Variants in RTEL1 observed in about 807,000 individuals in gnomAD.
The protein encoded by RTEL1 is regulator of telomere length.
RTEL1 carries 86 observed loss-of-function variants against 162.2 expected under a neutral mutation model. The observed-to-expected ratio is 0.53, with a 90% CI of 0.45 to 0.63. RTEL1 has a LOEUF of 0.63. RTEL1 is among the 30% of genes least tolerant of loss of function. The pLI, the probability that RTEL1 is intolerant of heterozygous loss-of-function variation, is 0.00. For synonymous variants in RTEL1, 958 were observed against 717.9 expected (o/e 1.33, Z -5.35); for missense variants, 1,941 against 1,750.2 (o/e 1.11, Z -1.95).
At chr20:63,692,739 C>T (rs1040081167) in intron 28 of RTEL1, 66 bp from the exon 29 acceptor site, 1 of 1,477,394 alleles carries the variant, frequency 6.8e-7, no homozygotes, top group Non-Finnish European at 9.3e-7. Flanking sequence ...CCAAGGAAGG[C>T]TCTGCAGCCC....
At chr20:63,658,794 C>T (rs2089961725) in intron 1 of RTEL1, 1 of 157,474 alleles carries the variant, frequency 6.4e-6, no homozygotes, top group South Asian at 1.8e-4. Context: ...GGCATCCCGG[C>T]ATGCTCTTTC....
chr20:63,674,017 G>A lies in RTEL1; in HGVS notation c.843G>A (p.Gln281=). 1 of 1,614,132 alleles carries A rather than the reference G, an allele frequency of 6.2e-7. No individual in the cohort carries two copies. Among genetic ancestry groups the A allele is most frequent in the Non-Finnish European group, 8.5e-7 (1 of 1,180,030 alleles). The change falls in exon 10 of 35, where the codon CAG becomes CAA. Residue 281 remains glutamine, a synonymous_variant. Coordinates refer to ENST00000360203, the MANE Select transcript of RTEL1 (RefSeq NM_001283009.2). ...CTTCAGGACTGGACGTCATAGACCA[G>A]GTGCTGGAGGAGCAGACCAAGGCAG... ...DLASGLDVID[Q]VLEEQTKAAQ...
chr20:63,666,216 A>G (rs918726637), intron 7 of RTEL1, 137 bp downstream of exon 7: 2 of 732,146 alleles, frequency 2.7e-6, no homozygotes, highest in Admixed American at 2.8e-5. Flanking sequence ...TTCAGTACGA[A>G]AAAGTTTAAG....
chr20:63,693,458 CA>C (rs1161077995), intron 30 of RTEL1, among the ~76,000 whole-genome samples, 175 bp downstream of exon 30: 2 of 49,922 alleles, frequency 4.0e-5, no homozygotes, highest in Non-Finnish European at 3.8e-5. Context: ...GCACCACCTC[CA>C]CCTCCACCTC....
rs777244093 is a variant in RTEL1, at chr20:63,693,129, C to G, written c.2852-14C>G. On this transcript the variant is annotated splice_polypyrimidine_tract_variant and intron_variant, in intron 29 of 34. Coordinates refer to ENST00000360203, the MANE Select transcript of RTEL1 (RefSeq NM_001283009.2). ...AAAAGGGGCAGATGGGGACAGACGC[C>G]CCTTCCTCTACAGGCTTCTACCAGT... The G allele has an allele frequency of 6.2e-7, 1 of 1,612,214 alleles. No individual in the cohort carries two copies. Among genetic ancestry groups the G allele is most frequent in the Admixed American group, 1.7e-5 (1 of 59,984 alleles).
intron 4 of RTEL1, 36 bp from the exon 5 acceptor site, chr20:63,662,510 A>C (rs763973687): frequency 6.2e-7 from 1 of 1,611,868 alleles, no homozygotes; most frequent in South Asian, 1.1e-5. Flanking sequence ...TGTTGGAGAC[A>C]GCTCCTCCTC....
intron 8 of RTEL1, among the ~76,000 whole-genome samples, chr20:63,671,634 A>G (rs1338817830): frequency 2.0e-5 from 3 of 147,390 alleles, no homozygotes; most frequent in African/African-American, 7.5e-5. Context: ...GGCGCCCGCC[A>G]CCACGCCTGG....
chr20:63,690,742 A>C, intron 26 of RTEL1, 63 bp from the exon 27 acceptor site: 3 of 1,512,840 alleles, frequency 2.0e-6, no homozygotes, highest in Non-Finnish European at 2.7e-6. Context: ...GGGCTTTGCC[A>C]CAGGCAGGGA....
At chr20:63,691,377 C>T (rs998856845) in intron 27 of RTEL1, among the ~76,000 whole-genome samples, 1 of 152,190 alleles carries the variant, frequency 6.6e-6, no homozygotes, top group Admixed American at 6.5e-5. Flanking sequence ...AAATTTTCTC[C>T]CTGCTTCCTG....
chr20:63,693,340 A>C, intron 30 of RTEL1, 57 bp downstream of exon 30: 1 of 1,601,760 alleles, frequency 6.2e-7, no homozygotes, highest in Non-Finnish European at 8.5e-7. Context: ...AGTGTGGGCC[A>C]GAGTCCTGGG....
chr20:63,693,917 C>T (rs2090892343), intron 30 of RTEL1, among the ~76,000 whole-genome samples: 1 of 150,934 alleles, frequency 6.6e-6, no homozygotes, highest in Non-Finnish European at 1.5e-5. Flanking sequence ...CTGCACACGC[C>T]AGGGTCCTAG....
chr20:63,693,086 GTCTCTGT>G, intron 29 of RTEL1, 50 bp from the exon 30 acceptor site: 3 of 1,610,852 alleles, frequency 1.9e-6, no homozygotes, highest in Non-Finnish European at 2.5e-6. Context: ...GTCCAAGGTG[GTCTCTGT>G]TCTCTAGAGA....
chr20:63,678,339 C>G lies in RTEL1; in HGVS notation c.1030C>G (p.Pro344Ala), dbSNP rs147789792. Reference sequence around the variant, plus strand: ...TGGAGACGACAGCGGTGTCACCAAGCCAGGGAGGTGAGAGGCGGGGAGCCA... The same window carrying G: ...TGGAGACGACAGCGGTGTCACCAAGGCAGGGAGGTGAGAGGCGGGGAGCCA... The part of the protein sequence containing the change: ...LPGDDSGVTK[P>A]GSYIFELFAE... The change falls in exon 12 of 35, where the codon CCA becomes GCA. Residue 344 changes from proline to alanine, a missense_variant. Coordinates refer to ENST00000360203, the MANE Select transcript of RTEL1 (RefSeq NM_001283009.2). 4.3e-6 allele frequency: 7 copies of G among 1,611,794 alleles called. No individual in the cohort carries two copies. In the Admixed American group the frequency reaches 8.3e-5, roughly 19 times the overall value.
intron 10 of RTEL1, among the ~76,000 whole-genome samples, chr20:63,676,570 A>G (rs1326673740): frequency 6.6e-6 from 1 of 152,218 alleles, no homozygotes; most frequent in Non-Finnish European, 1.5e-5. Flanking sequence ...AGTTAGCAGG[A>G]ATAACTTAGG....
At chr20:63,667,348 G>A in intron 7 of RTEL1, 121 bp from the exon 8 acceptor site, 1 of 787,016 alleles carries the variant, frequency 1.3e-6, no homozygotes, top group Non-Finnish European at 2.3e-6. Flanking sequence ...CCAGGCAGCA[G>A]CTTCCCACCT....
At chr20:63,684,387 C>G (rs2090545268) in intron 14 of RTEL1, among the ~76,000 whole-genome samples, 1 of 152,108 alleles carries the variant, frequency 6.6e-6, no homozygotes, top group South Asian at 2.1e-4. Flanking sequence ...GAGTTTTGCT[C>G]TTGTTGCCCA....
chr20:63,676,070 G>A (rs1356690777), intron 10 of RTEL1, among the ~76,000 whole-genome samples: 2 of 151,872 alleles, frequency 1.3e-5, no homozygotes, highest in Non-Finnish European at 1.5e-5. Flanking sequence ...ATCCCTATCT[G>A]TTCCCCCACC....
rs779075624 is a variant in RTEL1, at chr20:63,685,785, C to T, written c.1267-6C>T. On this transcript the variant is annotated splice_polypyrimidine_tract_variant and splice_region_variant and intron_variant, in intron 15 of 34. Coordinates refer to ENST00000360203, the MANE Select transcript of RTEL1 (RefSeq NM_001283009.2). ...GCCTCCACACTCCTGGTCCTGTCCCCTCCAGGTGCACATCCATCCTGATGC... is the reference window on the plus strand; with the variant it reads ...GCCTCCACACTCCTGGTCCTGTCCCTTCCAGGTGCACATCCATCCTGATGC... 1.6e-5 allele frequency: 26 copies of T among 1,611,346 alleles called. No individual in the cohort carries two copies. The highest frequency in any genetic ancestry group is 6.7e-5 in the African/African-American group (5 of 74,906).
Position 63,693,292 on chromosome 20 carries a change from G to C in RTEL1, c.2992+9G>C, listed in dbSNP as rs752627580. ...GGTCCTGGACCCCACTGGTAAATGG[G>C]GCCCCAGGTGGGACCCTCAGACTCC... On this transcript the variant is annotated intron_variant, in intron 30 of 34. Coordinates refer to ENST00000360203, the MANE Select transcript of RTEL1 (RefSeq NM_001283009.2). 4.3e-6 allele frequency: 7 copies of C among 1,611,158 alleles called. No individual in the cohort carries two copies. Among genetic ancestry groups the C allele is most frequent in the East Asian group, 2.2e-5 (1 of 44,890 alleles).
Sources: gnomAD v4.1 joint callset for allele counts (sites outside exome capture counted in the v4.1 genomes callset) on GRCh38, gnomAD v4.1.1 for gene constraint, MANE v1.5 for transcripts, NCBI Gene and HGNC (gene_info 2026-07-23, HGNC 2026-07-21) for gene names.